The following LNX1 variants were observed in gnomAD, a reference collection of about 807,000 sequenced individuals.
LNX1 encodes ligand of numb-protein X 1.
LNX1 carries 54 observed loss-of-function variants against 68.4 expected under a neutral mutation model. The ratio of observed to expected loss-of-function variants is 0.79; its 90% CI spans 0.63 to 0.99. LNX1 has a LOEUF of 0.99. Among genes scored for constraint, LNX1 ranks in the 50% least tolerant of loss-of-function variants. LNX1 has a pLI of 0.00. For synonymous variants in LNX1, 336 were observed against 350.0 expected, an observed-to-expected ratio of 0.96 and a Z score of 0.45; for missense variants, 906 against 926.4, an observed-to-expected ratio of 0.98 and a Z score of 0.29.
At chr4:53,628,434 A>G (rs570231779) in intron 1 of LNX1, among the ~76,000 whole-genome samples, 1 of 152,334 alleles carries the variant, frequency 6.6e-6, no homozygotes, top group South Asian at 2.1e-4. Context: ...TAAAACCATG[A>G]TGAGACACCA....
At chr4:53,622,504 C>T (rs1733920750) in intron 1 of LNX1, among the ~76,000 whole-genome samples, 1 of 152,088 alleles carries the variant, frequency 6.6e-6, no homozygotes, top group Non-Finnish European at 1.5e-5. Context: ...CCCTCACTCT[C>T]TCACCCCAGG....
At chr4:53,461,162 C>G (rs1722024856) in intron 10 of LNX1, 120 bp from the exon 11 acceptor site, 5 of 810,502 alleles carry the variant, frequency 6.2e-6, no homozygotes, top group Non-Finnish European at 7.5e-6. Flanking sequence ...ATGTTAACTT[C>G]TAATTGAGAT....
chr4:53,521,132 G>A (rs1446429822), intron 2 of LNX1, among the ~76,000 whole-genome samples: 6 of 152,250 alleles, frequency 3.9e-5, no homozygotes, highest in African/African-American at 1.4e-4. Context: ...GTTTCATGGT[G>A]GTGAGGGTTT....
chr4:53,533,369 A>C (rs1358904444), intron 2 of LNX1, among the ~76,000 whole-genome samples: 5 of 152,174 alleles, frequency 3.3e-5, no homozygotes, highest in Non-Finnish European at 7.4e-5. Context: ...ATCAGGGGCA[A>C]TTTTATCCCA....
chr4:53,599,083 G>A (rs989055592), intron 2 of LNX1, among the ~76,000 whole-genome samples: 4 of 152,162 alleles, frequency 2.6e-5, no homozygotes, highest in African/African-American at 9.7e-5. Context: ...ACTTTCCTGA[G>A]TTTGCAGAGC....
upstream of LNX1, among the ~76,000 whole-genome samples, chr4:53,594,347 A>G (rs1047227381): frequency 6.6e-6 from 1 of 152,082 alleles, no homozygotes; most frequent in Non-Finnish European, 1.5e-5. Context: ...GACATCTTTT[A>G]TGGTCATTTT....
chr4:53,542,326 T>G (rs1425950873), intron 2 of LNX1, among the ~76,000 whole-genome samples: 1 of 152,172 alleles, frequency 6.6e-6, no homozygotes, highest in African/African-American at 2.4e-5. Flanking sequence ...TTGTTGTAAT[T>G]AAGAATACAA....
chr4:53,632,746 A>T (rs1369753523), intron 1 of LNX1, among the ~76,000 whole-genome samples: 1 of 152,176 alleles, frequency 6.6e-6, no homozygotes, highest in Non-Finnish European at 1.5e-5. Flanking sequence ...TTATATTGGG[A>T]TCTGTATCCT....
chr4:53,569,051 T>C, intron 2 of LNX1, among the ~76,000 whole-genome samples: 1 of 150,916 alleles, frequency 6.6e-6, no homozygotes, highest in Non-Finnish European at 1.5e-5. Context: ...TGCTCATGGG[T>C]AGGAAGAATC....
At chr4:53,571,064 A>C (rs1731131616) in intron 2 of LNX1, among the ~76,000 whole-genome samples, 2 of 148,138 alleles carry the variant, frequency 1.4e-5, no homozygotes, top group South Asian at 4.3e-4. Flanking sequence ...TTTGAGATGG[A>C]GTCTCGCTCT....
chr4:53,595,131 C>A (rs1732692279), upstream of LNX1, among the ~76,000 whole-genome samples: 1 of 152,116 alleles, frequency 6.6e-6, no homozygotes, highest in Non-Finnish European at 1.5e-5. Context: ...TGAATTGGGC[C>A]TTGAACGATT....
At chr4:53,545,882 A>G (rs1377239748) in intron 2 of LNX1, among the ~76,000 whole-genome samples, 1 of 144,086 alleles carries the variant, frequency 6.9e-6, no homozygotes, top group African/African-American at 2.6e-5. Context: ...ATCTCAGCTC[A>G]CTACAACCTC....
chr4:53,633,592 C>T (rs1734357560), intron 1 of LNX1, among the ~76,000 whole-genome samples: 1 of 152,146 alleles, frequency 6.6e-6, no homozygotes, highest in African/African-American at 2.4e-5. Context: ...TTTTTGTAAA[C>T]AAGACTCAGG....
At chr4:53,555,871 T>C (rs971036251) in intron 2 of LNX1, among the ~76,000 whole-genome samples, 2 of 152,230 alleles carry the variant, frequency 1.3e-5, no homozygotes, top group Non-Finnish European at 2.9e-5. Context: ...CTTTGATTTA[T>C]GTACTTGTAG....
chr4:53,587,135 A>G (rs1438804950), intron 1 of LNX1, among the ~76,000 whole-genome samples: 1 of 152,254 alleles, frequency 6.6e-6, no homozygotes, highest in Non-Finnish European at 1.5e-5. Flanking sequence ...ATTCATAGAA[A>G]GTTCTTCCTC....
At chr4:53,600,315 AG>A (rs1732944325) in intron 2 of LNX1, among the ~76,000 whole-genome samples, 1 of 152,320 alleles carries the variant, frequency 6.6e-6, no homozygotes, top group East Asian at 1.9e-4. Flanking sequence ...CACAAAAAAA[AG>A]TCCTAGTAGG....
intron 2 of LNX1, among the ~76,000 whole-genome samples, chr4:53,541,412 C>T (rs929006729): frequency 1.3e-5 from 2 of 152,156 alleles, no homozygotes; most frequent in Non-Finnish European, 2.9e-5. Context: ...TGGAAAGTTC[C>T]ATGCTTTTGG....
At chr4:53,551,751 T>C (rs1729534004) in intron 2 of LNX1, among the ~76,000 whole-genome samples, 1 of 152,186 alleles carries the variant, frequency 6.6e-6, no homozygotes, top group Non-Finnish European at 1.5e-5. Context: ...GTGTACTTCC[T>C]TTTGTTCCTG....
At chr4:53,544,917 T>A (rs1366587002) in intron 2 of LNX1, among the ~76,000 whole-genome samples, 4 of 151,924 alleles carry the variant, frequency 2.6e-5, no homozygotes, top group Non-Finnish European at 5.9e-5. Context: ...AACTCTGGAG[T>A]CCCGCTTGTG....
Sources: allele counts gnomAD v4.1 joint callset (sites outside exome capture counted in the v4.1 genomes callset), GRCh38; gene constraint gnomAD v4.1.1; transcripts MANE v1.5; gene names NCBI Gene and HGNC (gene_info 2026-07-23, HGNC 2026-07-21).